Variants in RYR2 observed in about 807,000 individuals in gnomAD.
The protein encoded by RYR2 is ryanodine receptor 2, also known as cardiac muscle ryanodine receptor-calcium release channel.
In RYR2, 227 loss-of-function variants were observed where a neutral mutation model predicts 601.1. The observed-to-expected ratio is 0.38, with a 90% CI of 0.34 to 0.42. The LOEUF is 0.42. Ranked by LOEUF, RYR2 falls within the 10% of genes least tolerant of loss-of-function variation. RYR2 has a pLI of 1.00. For synonymous variants in RYR2, 2,223 were observed against 2,175.1 expected (o/e 1.02, Z -0.61); for missense variants, 4,646 against 6,156.5 (o/e 0.75, Z 8.21).
chr1:237,718,130 A>G (rs1038830453), intron 72 of RYR2, among the ~76,000 whole-genome samples: 1 of 152,156 alleles, frequency 6.6e-6, no homozygotes, highest in Non-Finnish European at 1.5e-5. Flanking sequence ...GGCTAAAATG[A>G]CTTCGTGGAG....
At chr1:237,105,099 G>C (rs991089596) in intron 1 of RYR2, among the ~76,000 whole-genome samples, 1 of 152,304 alleles carries the variant, frequency 6.6e-6, no homozygotes, top group Admixed American at 6.5e-5. Context: ...ATGAGTCTCA[G>C]TGCCGGCAAA....
intron 2 of RYR2, among the ~76,000 whole-genome samples, chr1:237,315,300 A>G (rs906217205): frequency 6.6e-6 from 1 of 152,262 alleles, no homozygotes; most frequent in South Asian, 2.1e-4. Context: ...TAACATTTTA[A>G]TGTTTGAGTC....
intron 63 of RYR2, among the ~76,000 whole-genome samples, chr1:237,694,144 A>C (rs1478016764): frequency 1.3e-5 from 2 of 151,966 alleles, no homozygotes; most frequent in African/African-American, 4.8e-5. Context: ...AATACAAAAA[A>C]TTAGCCGGGC....
At chr1:237,102,302 G>T (rs1295096667) in intron 1 of RYR2, among the ~76,000 whole-genome samples, 1 of 152,174 alleles carries the variant, frequency 6.6e-6, no homozygotes, top group Non-Finnish European at 1.5e-5. Flanking sequence ...TGGTGAGGGT[G>T]GTGGAGAGGC....
intron 2 of RYR2, among the ~76,000 whole-genome samples, chr1:237,306,646 G>C (rs746504782): frequency 3.9e-5 from 6 of 152,086 alleles, no homozygotes; most frequent in Non-Finnish European, 8.8e-5. Context: ...CTTTTTTCGT[G>C]TGGGTTTTAG....
At chr1:237,567,683 A>AT (rs932853377) in intron 28 of RYR2, among the ~76,000 whole-genome samples, 11 of 151,954 alleles carry the variant, frequency 7.2e-5, no homozygotes, top group African/African-American at 2.7e-4. Flanking sequence ...AAAATCATAG[A>AT]TTTTTTTAAA....
At chr1:237,725,155 T>C (rs746441826) in intron 74 of RYR2, among the ~76,000 whole-genome samples, 19 of 152,088 alleles carry the variant, frequency 1.2e-4, no homozygotes, top group Non-Finnish European at 2.1e-4. Context: ...TTAATGTAGA[T>C]ATGAAGTAGG....
intron 16 of RYR2, among the ~76,000 whole-genome samples, chr1:237,463,807 C>T (rs1217113021): frequency 2.6e-5 from 4 of 152,120 alleles, no homozygotes; most frequent in African/African-American, 9.7e-5. Flanking sequence ...CATTGCACTT[C>T]GAAGATGACA....
intron 10 of RYR2, among the ~76,000 whole-genome samples, chr1:237,405,013 G>C (rs1703723659): frequency 6.6e-6 from 1 of 152,170 alleles, no homozygotes; most frequent in Non-Finnish European, 1.5e-5. Context: ...CCAACACTTT[G>C]ATTTCAGCCT....
intron 56 of RYR2, among the ~76,000 whole-genome samples, chr1:237,665,815 A>G (rs936726195): frequency 6.6e-6 from 1 of 152,156 alleles, no homozygotes; most frequent in Non-Finnish European, 1.5e-5. Context: ...GGCATTTTTA[A>G]TGAGAGAATA....
chr1:237,514,301 C>T (rs1291973836), intron 24 of RYR2, among the ~76,000 whole-genome samples: 2 of 152,148 alleles, frequency 1.3e-5, no homozygotes, highest in Non-Finnish European at 2.9e-5. Flanking sequence ...TCTGTATTTG[C>T]ATTTAGCATG....
chr1:237,434,650 C>G (rs115159727), intron 12 of RYR2, among the ~76,000 whole-genome samples: 138 of 152,214 alleles, frequency 9.1e-4, no homozygotes, highest in African/African-American at 3.1e-3. Flanking sequence ...TCTCTGTAGG[C>G]GATTTCCTCT....
At chr1:237,445,281 C>A in intron 13 of RYR2, 120 bp from the exon 14 acceptor site, 1 of 1,254,890 alleles carries the variant, frequency 8.0e-7, no homozygotes, top group East Asian at 2.3e-5. Flanking sequence ...TCACAGTCCC[C>A]TGTACCTGCC....
In RYR2 at chr1:237,437,372, A is replaced by G. The variant is rs144204842; in HGVS notation, c.1006-3947A>G. On this transcript the variant is annotated intron_variant, in intron 12 of 104. Transcript: ENST00000366574. Reference sequence around the variant, plus strand: ...CAGCCACATCTGGGTCTATTTTAATATTCATTTGAAAATTAGATGTTCCAA... The same window carrying G: ...CAGCCACATCTGGGTCTATTTTAATGTTCATTTGAAAATTAGATGTTCCAA... 7.2e-5 allele frequency among the ~76,000 whole-genome samples: 11 copies of G among 152,272 alleles called. No individual in the cohort carries two copies. In the East Asian group the frequency reaches 1.9e-3, roughly 27 times the overall value.
chr1:237,456,591 A>G lies in RYR2; in HGVS notation c.1477-9A>G. ...CTGATTGTGATTTTTTTTTTTTTTAACGTTCCAGGGAATGATCAACCTCGT... is the reference window on the plus strand; with the variant it reads ...CTGATTGTGATTTTTTTTTTTTTTAGCGTTCCAGGGAATGATCAACCTCGT... On this transcript the variant is annotated splice_polypyrimidine_tract_variant and intron_variant, in intron 15 of 104. Transcript: ENST00000366574. 6.8e-7 allele frequency: 1 copy of G among 1,459,956 alleles called. No individual in the cohort carries two copies. The highest frequency in any genetic ancestry group is 9.1e-7 in the Non-Finnish European group (1 of 1,098,324). 90.4% of individuals were successfully genotyped at this position (1,459,956 alleles called of 1,614,324 possible).
At chr1:237,045,327 G>C (rs1415341785) in intron 1 of RYR2, among the ~76,000 whole-genome samples, 2 of 152,180 alleles carry the variant, frequency 1.3e-5, no homozygotes, top group Non-Finnish European at 2.9e-5. Context: ...GTATCTGTGA[G>C]TTATGTATGC....
At chr1:237,385,797 C>G (rs1701916686) in intron 8 of RYR2, among the ~76,000 whole-genome samples, 1 of 152,148 alleles carries the variant, frequency 6.6e-6, no homozygotes. Flanking sequence ...TTTTTGTTAG[C>G]TTCTCCACAT....
chr1:237,046,452 T>C (rs1202806694), intron 1 of RYR2, among the ~76,000 whole-genome samples: 1 of 152,218 alleles, frequency 6.6e-6, no homozygotes, highest in Non-Finnish European at 1.5e-5. Flanking sequence ...GAATGAGCAG[T>C]GGAAATTCGC....
At chr1:237,792,414 T>TGC in intron 94 of RYR2, 91 bp downstream of exon 94, 1 of 781,490 alleles carries the variant, frequency 1.3e-6, no homozygotes, top group Non-Finnish European at 1.9e-6. Flanking sequence ...TGTGTGTGTG[T>TGC]GTGTGTGTGT....
Sources: gnomAD v4.1 joint callset for allele counts (sites outside exome capture counted in the v4.1 genomes callset) on GRCh38, gnomAD v4.1.1 for gene constraint, MANE v1.5 for transcripts, NCBI Gene and HGNC (gene_info 2026-07-23, HGNC 2026-07-21) for gene names.